Variants in MKI67 observed in about 807,000 individuals in gnomAD.
The protein encoded by MKI67 is proliferation marker protein Ki-67.
In MKI67, 152 loss-of-function variants were observed where a neutral mutation model predicts 233.5. That is an observed-to-expected ratio of 0.65 (90% CI 0.57 to 0.74). The LOEUF (loss-of-function observed/expected upper bound fraction) is 0.74, where lower values mean the gene tolerates loss of function less well. Ranked by LOEUF, MKI67 falls within the 30% of genes least tolerant of loss-of-function variation. The pLI is 0.00. For synonymous variants in MKI67, 1,465 were observed against 1,418.5 expected, an observed-to-expected ratio of 1.03 and a Z score of -0.74; for missense variants, 3,940 against 3,885.2, an observed-to-expected ratio of 1.01 and a Z score of -0.37.
At chr10:128,112,986 G>A (rs1852714703) in intron 8 of MKI67, among the ~76,000 whole-genome samples, 1 of 152,246 alleles carries the variant, frequency 6.6e-6, no homozygotes, top group Admixed American at 6.5e-5. Context: ...AGCTGAAGGT[G>A]TAAAAGGAAG....
intron 5 of MKI67, among the ~76,000 whole-genome samples, chr10:128,117,388 A>G (rs961252117): frequency 2.0e-5 from 3 of 152,242 alleles, no homozygotes; most frequent in African/African-American, 7.2e-5. Flanking sequence ...CACACATGGT[A>G]TATTCACAGA....
Position 128,104,807 on chromosome 10 carries a change from G to C in MKI67, c.7033C>G (p.Pro2345Ala), listed in dbSNP as rs778140429. 6.2e-7 allele frequency: 1 copy of C among 1,613,582 alleles called. No individual in the cohort carries two copies. The highest frequency in any genetic ancestry group is 8.5e-7 in the Non-Finnish European group (1 of 1,179,932). Residue 2345 changes from proline to alanine, a missense_variant, in exon 13 of 15, where the codon CCA becomes GCA. Transcript: ENST00000368654. The part of the protein sequence containing the change: ...EKTTKIACKS[P>A]QPDPVDTPAS... ...GGGGTGTCCACTGGGTCTGGTTGTG[G>C]AGATTTGCAGGCTATTTTGGTAGTT... is the stretch of plus-strand genomic sequence containing the variant.
chr10:128,110,242 G>A (rs761074037), intron 12 of MKI67, 136 bp downstream of exon 12: 91 of 628,240 alleles, frequency 1.4e-4, no homozygotes, highest in Non-Finnish European at 2.2e-4. Context: ...CTTTCAATTA[G>A]AACAGAGAAG....
chr10:128,099,025 G>C lies in MKI67; in HGVS notation c.*165C>G, dbSNP rs542204799. 4 of 550,668 alleles carry C rather than the reference G, an allele frequency of 7.3e-6. No individual in the cohort carries two copies. Among genetic ancestry groups the C allele is most frequent in the Non-Finnish European group, 1.3e-5 (4 of 314,360 alleles). 34.1% of individuals were successfully genotyped at this position (550,668 alleles called of 1,614,324 possible). A position where few individuals can be genotyped will look rare whatever the true frequency, so the allele number is the denominator to read the frequency against. On this transcript the variant is annotated 3_prime_UTR_variant, in exon 15 of 15. Coordinates refer to ENST00000368654, the MANE Select transcript of MKI67 (RefSeq NM_002417.5). ...GTCCAGGAGCCCAGCAGTGCTCCCAGTGGAGTTTATGAAGCCGATTCAGAC... is the reference window on the plus strand; with the variant it reads ...GTCCAGGAGCCCAGCAGTGCTCCCACTGGAGTTTATGAAGCCGATTCAGAC...
intron 4 of MKI67, among the ~76,000 whole-genome samples, chr10:128,120,361 G>A (rs1037545400): frequency 1.2e-4 from 18 of 151,960 alleles, no homozygotes; most frequent in African/African-American, 4.4e-4. Context: ...GTGTTGTGGC[G>A]CGTGCCTGTA....
rs1031469004 is a variant in MKI67, at chr10:128,111,769, G to A, written c.2136C>T (p.Asn712=). 1.4e-5 allele frequency: 22 copies of A among 1,614,008 alleles called. No homozygotes were observed. Among genetic ancestry groups the A allele is most frequent in the Non-Finnish European group, 1.9e-5 (22 of 1,180,026 alleles). Residue 712 remains asparagine (N), a synonymous_variant, in exon 11 of 15, where the codon AAC becomes AAT. Transcript: ENST00000368654. ...TCCCTATTATTATGGTACAAGGAGAGTTTGCGTGGCCTGTACTAAATTGAC... is the reference window on the plus strand; with the variant it reads ...TCCCTATTATTATGGTACAAGGAGAATTTGCGTGGCCTGTACTAAATTGAC... The part of the protein sequence containing the change: ...VHSQFSTGHA[N]SPCTIIIGKA...
chr10:128,119,623 G>A (rs1852888908), intron 4 of MKI67, among the ~76,000 whole-genome samples: 1 of 152,214 alleles, frequency 6.6e-6, no homozygotes, highest in Admixed American at 6.5e-5. Flanking sequence ...TATGACATAA[G>A]CTAATGCACA....
chr10:128,122,112 TA>T (rs1852961804), intron 4 of MKI67, among the ~76,000 whole-genome samples: 1 of 152,210 alleles, frequency 6.6e-6, no homozygotes, highest in Admixed American at 6.5e-5. Context: ...GAGGATGTAT[TA>T]GTCTGCTAGG....
intron 13 of MKI67, 125 bp from the exon 14 acceptor site, chr10:128,101,826 ATT>A: frequency 1.3e-6 from 1 of 752,354 alleles, no homozygotes. Context: ...ACACTGATGA[ATT>A]GTCTAAGAGA....
chr10:128,104,409 GCTT>G lies in MKI67; in HGVS notation c.7428_7430del (p.Arg2476del), dbSNP rs776043715. The G allele has an allele frequency of 6.2e-7, 1 of 1,613,994 alleles. No individual in the cohort carries two copies. Among genetic ancestry groups the G allele is most frequent in the Non-Finnish European group, 8.5e-7 (1 of 1,180,014 alleles). The stretch of plus-strand genomic sequence containing the variant: ...GGGGTATCTTGAGCCTTTGCTTGGA[GCTT>G]CTTGAGGTTTTGAATGACTCTGGCT... On this transcript the variant is annotated inframe_deletion, in exon 13 of 15. Transcript: ENST00000368654.
chr10:128,123,285 A>G, intron 2 of MKI67, 116 bp from the exon 3 acceptor site: 2 of 737,674 alleles, frequency 2.7e-6, no homozygotes, highest in East Asian at 5.2e-5. Context: ...TATGACATAA[A>G]GGAGTAACAA....
rs143408898 is a variant in MKI67, at chr10:128,113,451, T to A, written c.1632A>T (p.Pro544=). ...TKRKSLVMHT[P]PVLKKIIKEQ... ...CCTTGATGATTTTCTTCAGGACAGG[T>A]GGAGTGTGCATTACCAGAGACTTTC... The change falls in exon 8 of 15, where the codon CCA becomes CCT. Residue 544 remains proline (P), a synonymous_variant. Transcript: ENST00000368654. 2.5e-4 allele frequency: 407 copies of A among 1,614,068 alleles called. 1 individual carries two copies. Among genetic ancestry groups the A allele is most frequent in the Non-Finnish European group, 3.3e-4 (392 of 1,180,046 alleles).
chr10:128,107,478 G>C lies in MKI67; in HGVS notation c.4362C>G (p.His1454Gln), dbSNP rs2136135416. 2 of 1,613,206 alleles carry C rather than the reference G, an allele frequency of 1.2e-6. No individual in the cohort carries two copies. The highest frequency in any genetic ancestry group is 8.5e-7 in the Non-Finnish European group (1 of 1,179,904). The change falls in exon 13 of 15, where the codon CAC becomes CAG. Residue 1454 changes from histidine to glutamine, a missense_variant. His to Gln is a conservative substitution (Grantham distance 24). Transcript: ENST00000368654. ...PAASVTGSKR[H>Q]PKTKEKAQPL... ...GTTGGGCCTTTTCCTTAGTTTTTGGGTGCCTCTTGCTACCAGTTACACTTG... is the reference window on the plus strand; with the variant it reads ...GTTGGGCCTTTTCCTTAGTTTTTGGCTGCCTCTTGCTACCAGTTACACTTG...
chr10:128,116,263 T>C (rs919804025), intron 6 of MKI67, among the ~76,000 whole-genome samples: 5 of 152,244 alleles, frequency 3.3e-5, no homozygotes, highest in African/African-American at 7.2e-5. Flanking sequence ...AGTTGACAGC[T>C]GAACAGGCAA....
chr10:128,106,166 C>T lies in MKI67; in HGVS notation c.5674G>A (p.Ala1892Thr), dbSNP rs780187142. The change falls in exon 13 of 15, where the codon GCA (alanine) becomes ACA (threonine). Residue 1892 changes from alanine to threonine, a missense_variant. Transcript: ENST00000368654. ...KKADVEEEFL[A>T]FRKLTPSAGK... ...GCTGATGGTGTTAGTTTCCTGAATG[C>T]TAAAAATTCTTCCTCTACGTCTGCT... 4 of 1,613,502 alleles carry T rather than the reference C, an allele frequency of 2.5e-6. No individual in the cohort carries two copies. The highest frequency in any genetic ancestry group is 3.4e-6 in the Non-Finnish European group (4 of 1,179,888).
In MKI67 at chr10:128,104,665, G is replaced by T. The variant is rs1425539202; in HGVS notation, c.7175C>A (p.Pro2392Gln). 5 of 1,613,834 alleles carry T rather than the reference G, an allele frequency of 3.1e-6. No homozygotes were observed. In the Admixed American group the frequency reaches 8.3e-5, roughly 27 times the overall value. ...GATATTTTTCTCATCACTTACTGCT[G>T]GTTTTGGTGTGTCCATGGCTTTGCC... ...SAGKAMDTPKPAVSDEKNINT... is the reference protein window; with the variant it reads ...SAGKAMDTPKQAVSDEKNINT... The change falls in exon 13 of 15, where the codon CCA becomes CAA. Residue 2392 changes from proline (P) to glutamine (Q), a missense_variant. Transcript: ENST00000368654.
Position 128,105,686 on chromosome 10 carries a change from G to C in MKI67, c.6154C>G (p.Pro2052Ala), listed in dbSNP as rs769464596. ...FKESAKQMLD[P>A]ANYGTGMERW... ...TCCATCCCAGTTCCATAGTTTGCTG[G>C]GTCCAGCATCTGCTTTGCAGATTCC... The change falls in exon 13 of 15, where the codon CCA becomes GCA. Residue 2052 changes from proline to alanine, a missense_variant. By Grantham distance (27) the Pro-to-Ala change is conservative. Transcript: ENST00000368654. The C allele has an allele frequency of 6.2e-7, 1 of 1,613,900 alleles. No individual in the cohort carries two copies. The highest frequency in any genetic ancestry group is 8.5e-7 in the Non-Finnish European group (1 of 1,179,990).
Position 128,115,235 on chromosome 10 carries a change from A to T in MKI67, c.1173T>A (p.Thr391=), listed in dbSNP as rs1488416267. ...EGFKAGDKTL[T]PRKLSTRNRT... ...GATTTCTAGTTGAAAGCTTCCTGGG[A>T]GTAAGAGTTTTATCACCAGCCTTGA... The change falls in exon 7 of 15, where the codon ACT becomes ACA. Residue 391 remains threonine, a synonymous_variant. Coordinates refer to ENST00000368654, the MANE Select transcript of MKI67 (RefSeq NM_002417.5). 17 of 1,614,066 alleles carry T rather than the reference A, an allele frequency of 1.1e-5. No individual in the cohort carries two copies. Among genetic ancestry groups the T allele is most frequent in the Non-Finnish European group, 1.4e-5 (17 of 1,180,048 alleles).
At position 128,103,800 on chromosome 10, in the gene MKI67, G is replaced by A. The variant is rs758601704; in HGVS notation, c.8040C>T (p.Ala2680=). 13 of 1,612,486 alleles carry A rather than the reference G, an allele frequency of 8.1e-6. No individual in the cohort carries two copies. The Admixed American group carries it at 1.3e-4, about 17-fold the overall frequency. The change falls in exon 13 of 15, where the codon GCC becomes GCT. Residue 2680 remains alanine, a synonymous_variant. Transcript: ENST00000368654. ...KEKAQPLEDL[A]GFTELSETSG... ...ATGTTTCAGAGAGCTCTGTGAAGCC[G>A]GCCAGGTCTTCCAGGGGTTGGGCCT...
Sources: gnomAD v4.1 joint callset for allele counts (sites outside exome capture counted in the v4.1 genomes callset) on GRCh38, gnomAD v4.1.1 for gene constraint, MANE v1.5 for transcripts, NCBI Gene and HGNC (gene_info 2026-07-23, HGNC 2026-07-21) for gene names.